Variants in HERC3 observed in about 807,000 individuals in gnomAD.
The protein encoded by HERC3 is probable E3 ubiquitin-protein ligase HERC3.
In HERC3, 58 loss-of-function variants were observed where a neutral mutation model predicts 129.9. The ratio of observed to expected loss-of-function variants is 0.45; its 90% confidence interval spans 0.36 to 0.56. HERC3 has a LOEUF of 0.56. HERC3 is among the 20% of genes least tolerant of loss of function. HERC3 has a pLI of 0.00. For missense variants in HERC3, 835 were observed against 1,244.2 expected (o/e 0.67, Z 4.95); for synonymous variants, 430 against 451.0 (o/e 0.95, Z 0.59).
rs374106369 is a variant in HERC3, at chr4:88,671,870, C to A, written c.1911+1618C>A. On this transcript the variant is annotated intron_variant, in intron 16 of 25. Coordinates refer to ENST00000402738, the MANE Select transcript of HERC3 (RefSeq NM_014606.3). ...AATGAGTTAGAGTGTTCTAAATGGGCTGACTTGGGAAATTTAACATGGAGG... is the reference window on the plus strand; with the variant it reads ...AATGAGTTAGAGTGTTCTAAATGGGATGACTTGGGAAATTTAACATGGAGG... Among the ~76,000 whole-genome samples the A allele has an allele frequency of 1.4e-4, 21 of 152,264 alleles. No homozygotes were observed. In the East Asian group the frequency reaches 3.7e-3, roughly 27 times the overall value.
intron 8 of HERC3, 54 bp from the exon 9 acceptor site, chr4:88,655,821 T>G: frequency 1.3e-6 from 2 of 1,548,520 alleles, no homozygotes; most frequent in Non-Finnish European, 1.8e-6. Context: ...AGAGTCAGAG[T>G]GTACATCCAC....
At chr4:88,644,245 A>T (rs1473937267) in intron 3 of HERC3, among the ~76,000 whole-genome samples, 1 of 152,118 alleles carries the variant, frequency 6.6e-6, no homozygotes, top group Non-Finnish European at 1.5e-5. Flanking sequence ...TTTTTAAATA[A>T]ACATATATTT....
the HERC3 span, among the ~76,000 whole-genome samples, chr4:88,526,141 T>G: frequency 6.6e-6 from 1 of 152,182 alleles, no homozygotes; most frequent in African/African-American, 2.4e-5. Context: ...ATAAAATTAT[T>G]TATTATGGTG....
At chr4:88,543,213 T>G in the HERC3 span, among the ~76,000 whole-genome samples, 1 of 152,238 alleles carries the variant, frequency 6.6e-6, no homozygotes, top group Non-Finnish European at 1.5e-5. Flanking sequence ...CAAAATCTCC[T>G]TAAGCTGATA....
upstream of HERC3, among the ~76,000 whole-genome samples, chr4:88,590,137 G>T (rs1200435503): frequency 6.6e-6 from 1 of 152,028 alleles, no homozygotes; most frequent in African/African-American, 2.4e-5. Context: ...GTGTGGTGGT[G>T]AGCGCCTGTA....
chr4:88,701,858 A>G (rs887277610), intron 23 of HERC3, among the ~76,000 whole-genome samples: 11 of 149,614 alleles, frequency 7.4e-5, no homozygotes, highest in African/African-American at 2.5e-4. Flanking sequence ...GCTGAAGTAC[A>G]GTGGCGTGAT....
intron 3 of HERC3, among the ~76,000 whole-genome samples, chr4:88,636,644 A>G (rs548333508): frequency 2.0e-5 from 3 of 152,342 alleles, no homozygotes; most frequent in Admixed American, 2.0e-4. Flanking sequence ...AAGTGGACCT[A>G]ATAGATATCT....
At chr4:88,553,828 G>C in the HERC3 span, among the ~76,000 whole-genome samples, 1 of 152,120 alleles carries the variant, frequency 6.6e-6, no homozygotes, top group Non-Finnish European at 1.5e-5. Context: ...GAGCCACTGC[G>C]CGGCCACCAT....
chr4:88,654,103 T>A lies in HERC3; in HGVS notation c.747T>A (p.Cys249Ter). The A allele has an allele frequency of 6.2e-7, 1 of 1,613,446 alleles. No individual in the cohort carries two copies. The highest frequency in any genetic ancestry group is 8.5e-7 in the Non-Finnish European group (1 of 1,179,592). The change falls in exon 7 of 26, where the codon TGT becomes TGA. Residue 249 changes from cysteine (C) to a stop codon, truncating the protein, a stop_gained. Coordinates refer to ENST00000402738, the MANE Select transcript of HERC3 (RefSeq NM_014606.3). LOFTEE classifies it high-confidence loss of function. ...CGCAAAAAGTTGTCTATATTAGTTGTGGAGAAGAACACACAGCAGTTCTCA... is the reference window on the plus strand; with the variant it reads ...CGCAAAAAGTTGTCTATATTAGTTGAGGAGAAGAACACACAGCAGTTCTCA... Reference protein sequence around the residue: ...LRTQKVVYISCGEEHTAVLTK... With the variant: ...LRTQKVVYIS
intron 3 of HERC3, among the ~76,000 whole-genome samples, chr4:88,623,148 A>T (rs1179360148): frequency 6.6e-6 from 1 of 152,192 alleles, no homozygotes; most frequent in South Asian, 2.1e-4. Context: ...CATCAGATTC[A>T]CCTGGGCAAC....
chr4:88,700,649 C>T (rs1030627700), intron 23 of HERC3, among the ~76,000 whole-genome samples: 1 of 151,660 alleles, frequency 6.6e-6, no homozygotes, highest in East Asian at 1.9e-4. Flanking sequence ...GTACCGAAAT[C>T]TATATGTCAG....
At chr4:88,652,538 G>A (rs1485309458) in intron 5 of HERC3, among the ~76,000 whole-genome samples, 3 of 152,280 alleles carry the variant, frequency 2.0e-5, no homozygotes, top group Admixed American at 1.3e-4. Flanking sequence ...GAAGTCTTGG[G>A]TCTCATAGTC....
At chr4:88,557,368 C>G in the HERC3 span, among the ~76,000 whole-genome samples, 3 of 152,148 alleles carry the variant, frequency 2.0e-5, no homozygotes, top group African/African-American at 7.2e-5. Context: ...AATCTACCTC[C>G]TAAATTTCAC....
chr4:88,608,201 C>G, intron 3 of HERC3, among the ~76,000 whole-genome samples: 1 of 152,088 alleles, frequency 6.6e-6, no homozygotes, highest in East Asian at 1.9e-4. Flanking sequence ...TTATGTTGCC[C>G]ATTGGAAAGA....
At chr4:88,694,420 A>G (rs969769702) in intron 23 of HERC3, among the ~76,000 whole-genome samples, 27 of 152,324 alleles carry the variant, frequency 1.8e-4, no homozygotes, top group African/African-American at 6.0e-4. Flanking sequence ...GGTTTTGAAA[A>G]TGTAGAGTGT....
the HERC3 span, among the ~76,000 whole-genome samples, chr4:88,526,528 T>C: frequency 6.6e-6 from 1 of 152,142 alleles, no homozygotes; most frequent in African/African-American, 2.4e-5. Context: ...TGACAACACT[T>C]ATTTTTTATT....
intron 3 of HERC3, among the ~76,000 whole-genome samples, chr4:88,625,598 C>G (rs796310933): frequency 1.3e-5 from 2 of 152,192 alleles, no homozygotes; most frequent in African/African-American, 4.8e-5. Flanking sequence ...TTCATAATAT[C>G]TATAAATCAA....
chr4:88,577,046 G>C, the HERC3 span, among the ~76,000 whole-genome samples: 2 of 152,128 alleles, frequency 1.3e-5, no homozygotes, highest in Non-Finnish European at 2.9e-5. Context: ...AGGAGCTGCT[G>C]CTATAGATTG....
chr4:88,647,648 T>G (rs1728836900), intron 3 of HERC3, among the ~76,000 whole-genome samples: 1 of 152,148 alleles, frequency 6.6e-6, no homozygotes, highest in African/African-American at 2.4e-5. Flanking sequence ...TCTTTCTGTT[T>G]ATTATGGTAA....
Sources: allele counts gnomAD v4.1 joint callset (sites outside exome capture counted in the v4.1 genomes callset), GRCh38; gene constraint gnomAD v4.1.1; transcripts MANE v1.5; gene names NCBI Gene and HGNC (gene_info 2026-07-23, HGNC 2026-07-21).